RASSF3: variants seen among roughly 807,000 people sequenced by gnomAD.
RASSF3 encodes ras association domain-containing protein 3.
Under a neutral mutation model 19.9 loss-of-function variants are expected in RASSF3, and 19 were observed. The observed-to-expected ratio is 0.96, with a 90% CI of 0.67 to 1.40. The LOEUF is 1.40. RASSF3 is among the 40% of genes most tolerant of loss of function. The probability of loss-of-function intolerance (pLI) is 0.00; values close to 1 mark genes in which losing one functional copy is unlikely to be tolerated. For missense variants in RASSF3, 306 were observed against 289.8 expected (o/e 1.06, Z -0.41); for synonymous variants, 110 against 104.2 (o/e 1.06, Z -0.34).
At chr12:64,656,152 A>G (rs1197170788) in intron 1 of RASSF3, among the ~76,000 whole-genome samples, 1 of 152,128 alleles carries the variant, frequency 6.6e-6, no homozygotes, top group Non-Finnish European at 1.5e-5. Flanking sequence ...TATTTTTTAG[A>G]TTATTTGTGA....
At chr12:64,570,708 C>T (rs996777516) in intron 2 of RASSF3, among the ~76,000 whole-genome samples, 2 of 152,118 alleles carry the variant, frequency 1.3e-5, no homozygotes, top group Non-Finnish European at 2.9e-5. Context: ...TCCCTCCTAT[C>T]GTATATGAAC....
intron 1 of RASSF3, among the ~76,000 whole-genome samples, chr12:64,659,453 C>G (rs532865937): frequency 3.2e-4 from 48 of 152,252 alleles, no homozygotes; most frequent in African/African-American, 1.1e-3. Flanking sequence ...TCTGAGCATA[C>G]TCCAAAAAGT....
At chr12:64,651,972 T>A (rs1280758628) in intron 1 of RASSF3, among the ~76,000 whole-genome samples, 2 of 152,240 alleles carry the variant, frequency 1.3e-5, no homozygotes, top group African/African-American at 4.8e-5. Flanking sequence ...CATTTAATGT[T>A]TAATTGTAGG....
intron 2 of RASSF3, among the ~76,000 whole-genome samples, chr12:64,561,602 C>G (rs182546988): frequency 6.6e-6 from 1 of 152,032 alleles, no homozygotes; most frequent in Non-Finnish European, 1.5e-5. Context: ...CCAAACAAGA[C>G]CCCTGTATAA....
intron 1 of RASSF3, among the ~76,000 whole-genome samples, chr12:64,614,039 C>G (rs56379182): frequency 0.082 from 12,397 of 151,958 alleles, 1,480 homozygotes; most frequent in African/African-American, 0.26. Context: ...CGCAGGGTCT[C>G]GATCAGTACC....
At chr12:64,573,653 A>G (rs1592404968) in intron 2 of RASSF3, among the ~76,000 whole-genome samples, 1 of 152,194 alleles carries the variant, frequency 6.6e-6, no homozygotes, top group South Asian at 2.1e-4. Flanking sequence ...TGGCTGTTGG[A>G]CAGAGACAGT....
intron 2 of RASSF3, among the ~76,000 whole-genome samples, chr12:64,593,556 T>G (rs994553767): frequency 6.6e-6 from 1 of 152,158 alleles, no homozygotes. Context: ...CATGACTTAA[T>G]GTAAACAGGT....
At chr12:64,681,405 G>A (rs983678707) in intron 1 of RASSF3, among the ~76,000 whole-genome samples, 10 of 152,194 alleles carry the variant, frequency 6.6e-5, no homozygotes, top group Non-Finnish European at 1.5e-4. Context: ...GGTAGAGAAT[G>A]AGGGAACAGG....
chr12:64,541,914 G>A (rs950433956), downstream of RASSF3, among the ~76,000 whole-genome samples: 4 of 152,168 alleles, frequency 2.6e-5, no homozygotes, highest in Admixed American at 2.0e-4. Flanking sequence ...ATAAGATAGA[G>A]TATATCAGTA....
intron 1 of RASSF3, chr12:64,515,438 C>T (rs541062940): frequency 5.6e-4 from 86 of 152,302 alleles, no homozygotes; most frequent in African/African-American, 2.0e-3. Flanking sequence ...TCCCTCCTTT[C>T]TCTTGTTCCA....
chr12:64,662,089 C>T (rs7955980), intron 1 of RASSF3, among the ~76,000 whole-genome samples: 13 of 151,604 alleles, frequency 8.6e-5, no homozygotes, highest in African/African-American at 2.9e-4. Context: ...AAAATCCCTG[C>T]CTTTGTGGAG....
At chr12:64,527,190 C>G (rs1453499480) in intron 1 of RASSF3, among the ~76,000 whole-genome samples, 2 of 152,054 alleles carry the variant, frequency 1.3e-5, no homozygotes, top group African/African-American at 2.4e-5. Context: ...TCATTGAGTC[C>G]CAGTGAGTCC....
intron 2 of RASSF3, among the ~76,000 whole-genome samples, chr12:64,572,554 C>G (rs567245513): frequency 6.6e-6 from 1 of 152,112 alleles, no homozygotes; most frequent in African/African-American, 2.4e-5. Flanking sequence ...TGAATACAGA[C>G]AGTAAATTTT....
intron 2 of RASSF3, among the ~76,000 whole-genome samples, chr12:64,577,741 T>TCAAAAA (rs1261275502): frequency 6.6e-6 from 1 of 150,870 alleles, no homozygotes; most frequent in East Asian, 2.0e-4. Context: ...CAAAACAAAA[T>TCAAAAA]CAAAAACAAA....
intron 2 of RASSF3, among the ~76,000 whole-genome samples, chr12:64,552,930 G>A (rs192069527): frequency 1.6e-4 from 24 of 152,124 alleles, no homozygotes; most frequent in African/African-American, 5.5e-4. Context: ...GCAACTTGGG[G>A]CCGGGCTCGG....
intron 2 of RASSF3, among the ~76,000 whole-genome samples, chr12:64,604,423 G>A (rs1327788010): frequency 9.9e-5 from 15 of 152,154 alleles, no homozygotes; most frequent in African/African-American, 3.6e-4. Context: ...ACTGTGCCCA[G>A]CCCAGGCTGA....
At chr12:64,676,112 G>A (rs1043466314) in intron 1 of RASSF3, among the ~76,000 whole-genome samples, 6 of 151,132 alleles carry the variant, frequency 4.0e-5, no homozygotes, top group Non-Finnish European at 8.8e-5. Flanking sequence ...GACAAGAACA[G>A]CAGCACCAAA....
chr12:64,590,231 CA>C (rs1305038090), intron 2 of RASSF3, among the ~76,000 whole-genome samples: 1,623 of 116,724 alleles, frequency 0.014, 12 homozygotes, highest in African/African-American at 0.036. Flanking sequence ...AAGACCCTGT[CA>C]AAAAAAAAAA....
At chr12:64,516,552 G>A (rs1868369469) in intron 1 of RASSF3, among the ~76,000 whole-genome samples, 1 of 148,832 alleles carries the variant, frequency 6.7e-6, no homozygotes, top group South Asian at 2.1e-4. Context: ...CCGGGAGGCG[G>A]AGCTTGCAGT....
Sources: allele counts gnomAD v4.1 joint callset (sites outside exome capture counted in the v4.1 genomes callset), GRCh38; gene constraint gnomAD v4.1.1; transcripts MANE v1.5; gene names NCBI Gene and HGNC (gene_info 2026-07-23, HGNC 2026-07-21).